Variants in CABLES1 observed in about 807,000 individuals in gnomAD.
CABLES1 encodes Cdk5 and Abl enzyme substrate 1.
CABLES1 carries 36 observed loss-of-function variants against 57.8 expected under a neutral mutation model. That is an observed-to-expected ratio of 0.62 (90% confidence interval 0.48 to 0.82). CABLES1 has a LOEUF of 0.82. CABLES1 is among the 40% of genes least tolerant of loss of function. CABLES1 has a pLI of 0.00. For missense variants in CABLES1, 767 were observed against 836.6 expected (o/e 0.92, Z 1.03); for synonymous variants, 374 against 363.0 (o/e 1.03, Z -0.35).
At chr18:23,251,103 C>T (rs1287049373) in intron 7 of CABLES1, among the ~76,000 whole-genome samples, 4 of 152,222 alleles carry the variant, frequency 2.6e-5, no homozygotes, top group East Asian at 1.9e-4. Context: ...TCCAGGGAAT[C>T]GACCTTCACA....
chr18:23,254,291 A>G (rs1355606784), intron 9 of CABLES1, among the ~76,000 whole-genome samples: 1 of 152,236 alleles, frequency 6.6e-6, no homozygotes, highest in Non-Finnish European at 1.5e-5. Flanking sequence ...AGGTTGCTTC[A>G]GTAAGACCTT....
In CABLES1 at chr18:23,136,072, G is replaced by T; in HGVS notation, c.310G>T (p.Ala104Ser). 1 of 1,165,066 alleles carries T rather than the reference G, an allele frequency of 8.6e-7. No individual in the cohort carries two copies. Among genetic ancestry groups the T allele is most frequent in the Non-Finnish European group, 1.1e-6 (1 of 946,322 alleles). The allele number at this position is 1,165,066 out of a possible 1,614,324, so 72.2% of individuals were successfully genotyped here. ...GCCGGGCGCCGGCGGCGCCTGCGGC[G>T]CGAGGACTCGGTTCAGCTTGCTCGC... ...AKPGAGGACG[A>S]RTRFSLLAAA... Residue 104 changes from alanine to serine, a missense_variant, in exon 1 of 10, where the codon GCG (alanine) becomes TCG (serine). Ala to Ser is a moderately conservative substitution (Grantham distance 99). Coordinates refer to ENST00000256925, the MANE Select transcript of CABLES1 (RefSeq NM_001100619.3).
intron 4 of CABLES1, among the ~76,000 whole-genome samples, chr18:23,217,949 G>A (rs917472922): frequency 2.6e-5 from 4 of 152,306 alleles, no homozygotes; most frequent in East Asian, 1.9e-4. Flanking sequence ...TTTGGGACCC[G>A]GGCTGCCCCA....
At chr18:23,193,089 G>C (rs1473307261) in intron 2 of CABLES1, among the ~76,000 whole-genome samples, 1 of 152,078 alleles carries the variant, frequency 6.6e-6, no homozygotes, top group Non-Finnish European at 1.5e-5. Context: ...AGAGTTGGGT[G>C]GGGGAGTGTC....
intron 7 of CABLES1, among the ~76,000 whole-genome samples, chr18:23,244,018 CTCTCTT>C (rs1213941238): frequency 6.6e-6 from 1 of 152,222 alleles, no homozygotes; most frequent in East Asian, 1.9e-4. Flanking sequence ...GCAACATCTG[CTCTCTT>C]TCTATGTATT....
intron 3 of CABLES1, chr18:23,197,389 A>C (rs1043631805): frequency 9.9e-5 from 15 of 151,948 alleles, no homozygotes; most frequent in African/African-American, 3.6e-4. Flanking sequence ...GTTGCGATGG[A>C]GGATGGAGTT....
In CABLES1 at chr18:23,236,016, GC is replaced by G. The variant is rs1230589723; in HGVS notation, c.1309del (p.Arg437GlyfsTer40). The G allele has an allele frequency of 2.5e-6, 4 of 1,614,172 alleles. No individual in the cohort carries two copies. Among genetic ancestry groups the G allele is most frequent in the Non-Finnish European group, 3.4e-6 (4 of 1,180,040 alleles). On this transcript the variant is annotated frameshift_variant, in exon 6 of 10. Coordinates refer to ENST00000256925, the MANE Select transcript of CABLES1 (RefSeq NM_001100619.3). LOFTEE classifies it high-confidence loss of function. Reference protein sequence around the residue: ...RNLSHRSLSIGRASGTQGSLD... With the variant: ...RNLSHRSLSIXRASGTQGSLD... ...CTGAGCCACCGCAGCCTCTCCATAG[GC>G]CGGGCAAGCGGCACCCAGGGGAGCC...
chr18:23,235,820 C>G, intron 5 of CABLES1, 75 bp from the exon 6 acceptor site: 5 of 1,420,438 alleles, frequency 3.5e-6, no homozygotes, highest in Non-Finnish European at 4.9e-6. Context: ...GGGGTGACAA[C>G]TGTAGCTTGA....
At chr18:23,184,425 G>A (rs536560828) in intron 1 of CABLES1, among the ~76,000 whole-genome samples, 72 of 152,188 alleles carry the variant, frequency 4.7e-4, no homozygotes, top group African/African-American at 1.5e-3. Flanking sequence ...TTTCTCGGCC[G>A]GGCATGGTAG....
chr18:23,160,738 A>C (rs2046997989), intron 1 of CABLES1, among the ~76,000 whole-genome samples: 1 of 152,182 alleles, frequency 6.6e-6, no homozygotes, highest in Admixed American at 6.5e-5. Flanking sequence ...CTCACTCTGA[A>C]AATGTCAAAA....
At position 23,258,272 on chromosome 18, in the gene CABLES1, T is replaced by C. The variant is rs2048214603; in HGVS notation, c.*905T>C. 6.6e-6 allele frequency: 1 copy of C among 152,648 alleles called. No individual in the cohort carries two copies. Among genetic ancestry groups the C allele is most frequent in the Admixed American group, 6.5e-5 (1 of 15,292 alleles). 9.5% of individuals were successfully genotyped at this position (152,648 alleles called of 1,614,324 possible). Reference sequence around the variant, plus strand: ...CGGCGCCCCACAGTGTGTATTCCTGTCCTCTATGTTAGAGTGCATCAGAAG... The same window carrying C: ...CGGCGCCCCACAGTGTGTATTCCTGCCCTCTATGTTAGAGTGCATCAGAAG... On this transcript the variant is annotated 3_prime_UTR_variant, in exon 10 of 10. Coordinates refer to ENST00000256925, the MANE Select transcript of CABLES1 (RefSeq NM_001100619.3).
chr18:23,176,877 G>A (rs1286890509), intron 1 of CABLES1, among the ~76,000 whole-genome samples: 2 of 152,104 alleles, frequency 1.3e-5, no homozygotes, highest in Non-Finnish European at 2.9e-5. Flanking sequence ...AGACTCCAGG[G>A]AGCGTTTTAC....
chr18:23,254,952 G>A (rs1467826386), intron 9 of CABLES1, among the ~76,000 whole-genome samples: 6 of 152,204 alleles, frequency 3.9e-5, no homozygotes, highest in Admixed American at 2.6e-4. Context: ...GGAATTGGTC[G>A]GGAGGCAGAG....
chr18:23,211,843 A>G (rs1034072385), intron 3 of CABLES1, among the ~76,000 whole-genome samples: 84 of 152,244 alleles, frequency 5.5e-4, no homozygotes, highest in African/African-American at 2.0e-3. Flanking sequence ...TTACAGGGGC[A>G]CTGCAGCATG....
At chr18:23,184,370 A>G (rs1223853125) in intron 1 of CABLES1, among the ~76,000 whole-genome samples, 1 of 151,128 alleles carries the variant, frequency 6.6e-6, no homozygotes, top group Non-Finnish European at 1.5e-5. Flanking sequence ...GACTTCTATA[A>G]TGAAGTACCA....
At chr18:23,171,073 G>C (rs2047079022) in intron 1 of CABLES1, among the ~76,000 whole-genome samples, 1 of 152,240 alleles carries the variant, frequency 6.6e-6, no homozygotes. Flanking sequence ...TGGGATTGTA[G>C]GCGTGAGCCA....
chr18:23,210,276 G>A (rs1420489342), intron 3 of CABLES1, among the ~76,000 whole-genome samples: 3 of 152,012 alleles, frequency 2.0e-5, no homozygotes, highest in African/African-American at 7.2e-5. Context: ...ATATTTTCTG[G>A]TCATCTCAAC....
intron 1 of CABLES1, among the ~76,000 whole-genome samples, chr18:23,148,373 T>C (rs2046906909): frequency 6.6e-6 from 1 of 152,094 alleles, no homozygotes. Context: ...GGAGTTGAGT[T>C]GGGTGCTACG....
At chr18:23,219,707 G>A (rs73968411) in intron 4 of CABLES1, among the ~76,000 whole-genome samples, 48 of 152,328 alleles carry the variant, frequency 3.2e-4, no homozygotes, top group African/African-American at 1.1e-3. Context: ...ATAAAATGGG[G>A]ATGTTTAACC....
Sources: allele counts gnomAD v4.1 joint callset (sites outside exome capture counted in the v4.1 genomes callset), GRCh38; gene constraint gnomAD v4.1.1; transcripts MANE v1.5; gene names NCBI Gene and HGNC (gene_info 2026-07-23, HGNC 2026-07-21).